Variants in OVOL1 observed in about 807,000 individuals in gnomAD.
The protein encoded by OVOL1 is putative transcription factor Ovo-like 1.
In OVOL1, 10 loss-of-function variants were observed where a neutral mutation model predicts 21.5. The observed-to-expected ratio is 0.46, with a 90% CI of 0.29 to 0.79. The LOEUF (loss-of-function observed/expected upper bound fraction) is 0.79, where lower values mean the gene tolerates loss of function less well. OVOL1 is among the 30% of genes least tolerant of loss of function. The pLI is 0.10. For missense variants in OVOL1, 279 were observed against 362.3 expected (o/e 0.77, Z 1.87); for synonymous variants, 129 against 150.3 (o/e 0.86, Z 1.03).
rs1001089578 is a variant in OVOL1, at chr11:65,797,044, G to A, written c.*1703G>A. The A allele has an allele frequency of 4.6e-5, 7 of 152,166 alleles. No individual in the cohort carries two copies. Among genetic ancestry groups the A allele is most frequent in the African/African-American group, 1.2e-4 (5 of 41,414 alleles). The allele number at this position is 152,166 out of a possible 1,614,324, so 9.4% of individuals were successfully genotyped here. ...CACTTGACTTTAGAGTGTCTGGGAC[G>A]CTGCTGTATTCTGAAAGTCACATAG... On this transcript the variant is annotated 3_prime_UTR_variant, in exon 4 of 4. Coordinates refer to ENST00000335987, the MANE Select transcript of OVOL1 (RefSeq NM_004561.4).
chr11:65,791,469 G>A (rs1858016103), intron 1 of OVOL1, among the ~76,000 whole-genome samples: 1 of 152,234 alleles, frequency 6.6e-6, no homozygotes, highest in Non-Finnish European at 1.5e-5. Context: ...TCTCCCCAGA[G>A]AGCCAGGGAC....
rs143771255 is a variant in OVOL1, at chr11:65,794,737, A to G, written c.508+10A>G. On this transcript the variant is annotated intron_variant, in intron 3 of 3. Coordinates refer to ENST00000335987, the MANE Select transcript of OVOL1 (RefSeq NM_004561.4). ...GTCCGAACTCACACTGGTAAGTGGA[A>G]GCCCACGGCTGGGAGGAGCACGCCG... The G allele has an allele frequency of 1.6e-5, 25 of 1,612,434 alleles. No homozygotes were observed. The East Asian group carries it at 5.6e-4, about 36-fold the overall frequency.
intron 2 of OVOL1, 104 bp from the exon 3 acceptor site, chr11:65,794,434 A>G: frequency 8.3e-7 from 1 of 1,210,378 alleles, no homozygotes; most frequent in Non-Finnish European, 1.2e-6. Flanking sequence ...GGTGGGCACC[A>G]CCCTCCTCAG....
In OVOL1 at chr11:65,788,938, C is replaced by T. The variant is rs540795416; in HGVS notation, c.100+1465C>T. 2.9e-4 allele frequency: 283 copies of T among 986,600 alleles called. 4 individuals are homozygous for T. In the South Asian group the frequency reaches 0.011, roughly 40 times the overall value. The allele number at this position is 986,600 out of a possible 1,614,324, so 61.1% of individuals were successfully genotyped here. A position where few individuals can be genotyped will look rare whatever the true frequency, so the allele number is the denominator to read the frequency against. ...CTCTACCTGGGGGTTGGTGGGGGCA[C>T]GCAGAGGGCCAGAGCCCCCTCCCCG... On this transcript the variant is annotated intron_variant, in intron 1 of 3. Transcript: ENST00000335987.
intron 1 of OVOL1, among the ~76,000 whole-genome samples, chr11:65,787,956 C>A (rs1305012013): frequency 6.6e-6 from 1 of 152,176 alleles, no homozygotes; most frequent in African/African-American, 2.4e-5. Flanking sequence ...TCGCACAGGT[C>A]CTTCCTCCTC....
chr11:65,789,618 C>T, intron 1 of OVOL1: 1 of 971,298 alleles, frequency 1.0e-6, no homozygotes, highest in Non-Finnish European at 1.2e-6. Flanking sequence ...TGTCCCCTGG[C>T]TGGGCCATTC....
At chr11:65,791,309 G>T (rs935289345) in intron 1 of OVOL1, among the ~76,000 whole-genome samples, 1 of 152,202 alleles carries the variant, frequency 6.6e-6, no homozygotes, top group African/African-American at 2.4e-5. Flanking sequence ...CCTGATAAGG[G>T]TGCAAGGCTG....
intron 1 of OVOL1, chr11:65,788,695 G>A: frequency 1.0e-6 from 1 of 985,442 alleles, no homozygotes; most frequent in African/African-American, 1.7e-5. Context: ...TGTGGCGCTG[G>A]CAGGATGTTT....
At chr11:65,794,353 G>A (rs746114259) in intron 2 of OVOL1, 105 bp downstream of exon 2, 1 of 1,210,008 alleles carries the variant, frequency 8.3e-7, no homozygotes, top group Non-Finnish European at 1.2e-6. Flanking sequence ...ACTGACCTGG[G>A]ACCTGGGCCA....
At position 65,795,089 on chromosome 11, in the gene OVOL1, G is replaced by A. The variant is rs1858102975; in HGVS notation, c.552G>A (p.Thr184=). ...GCAGCCTGTGTGACAAGGCCTTCAC[G>A]CAGCGCTGCTCTCTGGAGTCTCACC... ...YKCSLCDKAF[T]QRCSLESHLK... Residue 184 remains threonine, a synonymous_variant, in exon 4 of 4, where the codon ACG becomes ACA. Transcript: ENST00000335987. The surrounding 1 kb of genome is among the most constrained non-coding windows in gnomAD (Gnocchi z 5.7). 8 of 1,613,512 alleles carry A rather than the reference G, an allele frequency of 5.0e-6. No individual in the cohort carries two copies. Among genetic ancestry groups the A allele is most frequent in the Non-Finnish European group, 6.8e-6 (8 of 1,180,004 alleles).
At position 65,787,208 on chromosome 11, in the gene OVOL1, G is replaced by A. The variant is rs1344645778; in HGVS notation, c.-166G>A. The A allele has an allele frequency of 1.4e-5, 7 of 512,266 alleles. No homozygotes were observed. The highest frequency in any genetic ancestry group is 2.6e-5 in the Non-Finnish European group (7 of 274,324). 31.7% of individuals were successfully genotyped at this position (512,266 alleles called of 1,614,324 possible). A position where few individuals can be genotyped will look rare whatever the true frequency, so the allele number is the denominator to read the frequency against. On this transcript the variant is annotated 5_prime_UTR_variant, in exon 1 of 4. Coordinates refer to ENST00000335987, the MANE Select transcript of OVOL1 (RefSeq NM_004561.4). Reference sequence around the variant, plus strand: ...GGCGACATTCCGCGGAGGTGGAACCGCCGCGCGCCGTCCGGGCTCGGACCT... The same window carrying A: ...GGCGACATTCCGCGGAGGTGGAACCACCGCGCGCCGTCCGGGCTCGGACCT...
chr11:65,795,278 G>C lies in OVOL1; in HGVS notation c.741G>C (p.Lys247Asn). Reference protein sequence around the residue: ...PDSPLLRKTSKKVAVALQNTV... With the variant: ...PDSPLLRKTSNKVAVALQNTV... ...GCCCGCTGCTGCGCAAGACCTCCAAGAAGGTGGCCGTGGCACTACAGAACA... is the reference window on the plus strand; with the variant it reads ...GCCCGCTGCTGCGCAAGACCTCCAACAAGGTGGCCGTGGCACTACAGAACA... The change falls in exon 4 of 4, where the codon AAG becomes AAC. Residue 247 changes from lysine (K) to asparagine (N), a missense_variant. Transcript: ENST00000335987. The surrounding 1 kb of genome is among the most constrained non-coding windows in gnomAD (Gnocchi z 5.7). 6.2e-7 allele frequency: 1 copy of C among 1,613,270 alleles called. No individual in the cohort carries two copies. The highest frequency in any genetic ancestry group is 8.5e-7 in the Non-Finnish European group (1 of 1,179,926).
At chr11:65,794,809 T>C in intron 3 of OVOL1, 82 bp downstream of exon 3, 1 of 1,403,596 alleles carries the variant, frequency 7.1e-7, no homozygotes, top group Non-Finnish European at 1.0e-6. Flanking sequence ...CACCCCCTGC[T>C]CTCCCTCGGT....
chr11:65,791,579 T>A (rs1858018763), intron 1 of OVOL1, among the ~76,000 whole-genome samples: 1 of 152,178 alleles, frequency 6.6e-6, no homozygotes, highest in African/African-American at 2.4e-5. Flanking sequence ...GATGGAGGAC[T>A]TACAGAGGCC....
At position 65,787,249 on chromosome 11, in the gene OVOL1, G is replaced by A. The variant is rs1001906473; in HGVS notation, c.-125G>A. 2 of 713,788 alleles carry A rather than the reference G, an allele frequency of 2.8e-6. No homozygotes were observed. Among genetic ancestry groups the A allele is most frequent in the Non-Finnish European group, 4.7e-6 (2 of 424,276 alleles). The allele number at this position is 713,788 out of a possible 1,614,324, so 44.2% of individuals were successfully genotyped here. A position where few individuals can be genotyped will look rare whatever the true frequency, so the allele number is the denominator to read the frequency against. On this transcript the variant is annotated 5_prime_UTR_variant, in exon 1 of 4. Transcript: ENST00000335987. ...GCTCGGACCTTCCCCGGAACGTGGG[G>A]GCGCCTTAGCGACTCCTTCCCTGTT...
At chr11:65,793,942 C>A in intron 1 of OVOL1, 89 bp from the exon 2 acceptor site, 1 of 1,022,474 alleles carries the variant, frequency 9.8e-7, no homozygotes. Flanking sequence ...TCTCCAGGTT[C>A]CAGCCGTCTC....
intron 1 of OVOL1, among the ~76,000 whole-genome samples, chr11:65,791,237 T>A (rs2135701419): frequency 6.6e-6 from 1 of 152,308 alleles, no homozygotes; most frequent in Non-Finnish European, 1.5e-5. Flanking sequence ...TGGGTCCTTT[T>A]GGATGATTGC....
intron 1 of OVOL1, chr11:65,790,929 C>G (rs540375212): frequency 1.4e-4 from 21 of 152,690 alleles, no homozygotes; most frequent in Admixed American, 9.8e-4. Flanking sequence ...GAAGTCGGGG[C>G]TCCTTTGTAT....
At chr11:65,790,289 AG>A (rs1330815678) in intron 1 of OVOL1, 2 of 152,146 alleles carry the variant, frequency 1.3e-5, no homozygotes, top group Non-Finnish European at 2.9e-5. Context: ...TGAGGCTGGA[AG>A]CTGGAGTCAA....
Sources: gnomAD v4.1 joint callset for allele counts (sites outside exome capture counted in the v4.1 genomes callset) on GRCh38, gnomAD v4.1.1 for gene constraint, Gnocchi (gnomAD v3.1) non-coding constraint, MANE v1.5 for transcripts, NCBI Gene and HGNC (gene_info 2026-07-23, HGNC 2026-07-21) for gene names.